Variants in EYS observed in about 807,000 individuals in gnomAD.
The protein encoded by EYS is protein eyes shut homolog.
In EYS, 250 loss-of-function variants were observed where a neutral mutation model predicts 282.1. The ratio of observed to expected loss-of-function variants is 0.89; its 90% CI spans 0.80 to 0.98. EYS has a LOEUF of 0.98. Among genes scored for constraint, EYS ranks in the 50% least tolerant of loss-of-function variants. The probability of loss-of-function intolerance (pLI) is 0.00; values close to 1 mark genes in which losing one functional copy is unlikely to be tolerated. For synonymous variants in EYS, 1,355 were observed against 1,282.9 expected, an observed-to-expected ratio of 1.06 and a Z score of -1.20; for missense variants, 4,016 against 3,709.0, an observed-to-expected ratio of 1.08 and a Z score of -2.15.
intron 35 of EYS, among the ~76,000 whole-genome samples, chr6:63,974,561 G>C (rs913278011): frequency 7.9e-5 from 12 of 151,986 alleles, no homozygotes; most frequent in African/African-American, 2.9e-4. Flanking sequence ...CCTAAGGGTA[G>C]AGAAAATTGA....
chr6:64,958,329 C>T (rs540438366), intron 14 of EYS, among the ~76,000 whole-genome samples: 188 of 152,146 alleles, frequency 1.2e-3, no homozygotes, highest in African/African-American at 3.3e-3. Flanking sequence ...TTGCAGTGAG[C>T]GAAAATCGCG....
At chr6:65,157,540 G>C (rs1764756421) in intron 12 of EYS, among the ~76,000 whole-genome samples, 1 of 150,600 alleles carries the variant, frequency 6.6e-6, no homozygotes, top group African/African-American at 2.4e-5. Context: ...AAGTTTTACT[G>C]TTCTTGAGAT....
chr6:65,374,377 AC>A (rs1489805608), intron 8 of EYS, among the ~76,000 whole-genome samples: 1 of 151,946 alleles, frequency 6.6e-6, no homozygotes, highest in Admixed American at 6.6e-5. Flanking sequence ...CAGATACTAC[AC>A]TTTTCCCATG....
intron 28 of EYS, among the ~76,000 whole-genome samples, chr6:64,425,964 A>G (rs1270273951): frequency 6.6e-6 from 1 of 152,168 alleles, no homozygotes; most frequent in Non-Finnish European, 1.5e-5. Context: ...TTTAAGATAC[A>G]GATGAGGCAT....
intron 35 of EYS, among the ~76,000 whole-genome samples, chr6:63,878,869 G>C (rs906244216): frequency 6.6e-6 from 1 of 152,120 alleles, no homozygotes; most frequent in African/African-American, 2.4e-5. Context: ...TCCAGGTACT[G>C]TCTGTCATGG....
chr6:65,602,763 T>A (rs1213473567), intron 2 of EYS, among the ~76,000 whole-genome samples: 2 of 152,018 alleles, frequency 1.3e-5, no homozygotes, highest in African/African-American at 4.8e-5. Context: ...GAAAGAGTGA[T>A]GTGATACAGA....
intron 5 of EYS, among the ~76,000 whole-genome samples, chr6:65,480,747 T>C (rs1273631011): frequency 6.6e-6 from 1 of 152,110 alleles, no homozygotes; most frequent in Non-Finnish European, 1.5e-5. Flanking sequence ...GAAAATGTGG[T>C]CTATATACAC....
intron 36 of EYS, among the ~76,000 whole-genome samples, chr6:63,834,942 T>C (rs1771762280): frequency 6.6e-6 from 1 of 151,102 alleles, no homozygotes; most frequent in Non-Finnish European, 1.5e-5. Flanking sequence ...CTGAACACAC[T>C]ATGGCAAGGA....
intron 22 of EYS, among the ~76,000 whole-genome samples, chr6:64,696,343 C>T (rs1770578755): frequency 6.6e-6 from 1 of 152,080 alleles, no homozygotes; most frequent in African/African-American, 2.4e-5. Flanking sequence ...AAAGAATAAA[C>T]AAAGCCTTTG....
chr6:64,546,243 A>C (rs1024183914), intron 26 of EYS, among the ~76,000 whole-genome samples: 90 of 152,308 alleles, frequency 5.9e-4, no homozygotes, highest in Admixed American at 3.7e-3. Flanking sequence ...CTGATCTTTG[A>C]CAAACCTGAC....
At chr6:63,857,352 C>T (rs1238218760) in intron 36 of EYS, 3 of 154,914 alleles carry the variant, frequency 1.9e-5, no homozygotes, top group African/African-American at 7.2e-5. Context: ...ACATTTTAAG[C>T]TCTAAGGGAG....
chr6:64,532,403 T>C (rs1764375270), intron 26 of EYS, among the ~76,000 whole-genome samples: 1 of 152,084 alleles, frequency 6.6e-6, no homozygotes, highest in Non-Finnish European at 1.5e-5. Context: ...CTAGGAAAAT[T>C]ACAGGAAACA....
At chr6:63,956,865 C>T (rs1765848281) in intron 35 of EYS, among the ~76,000 whole-genome samples, 1 of 152,010 alleles carries the variant, frequency 6.6e-6, no homozygotes. Flanking sequence ...TTTTTTTTGG[C>T]TTTTAGCCTT....
intron 15 of EYS, among the ~76,000 whole-genome samples, chr6:64,926,999 T>C (rs888297713): frequency 1.3e-5 from 2 of 152,230 alleles, no homozygotes; most frequent in East Asian, 1.9e-4. Context: ...AAGAATTTTA[T>C]AGCTGAATCT....
chr6:65,086,278 T>G (rs1026167835), intron 12 of EYS, among the ~76,000 whole-genome samples: 5 of 151,970 alleles, frequency 3.3e-5, no homozygotes, highest in African/African-American at 4.8e-5. Context: ...ATTGTGCCAT[T>G]GCACTCCAGC....
intron 30 of EYS, among the ~76,000 whole-genome samples, chr6:64,297,500 C>T (rs138933076): frequency 6.6e-6 from 1 of 152,178 alleles, no homozygotes; most frequent in Admixed American, 6.5e-5. Flanking sequence ...AAACTAAAGA[C>T]GAAGTGAAAA....
At chr6:64,368,699 T>G (rs1013520266) in intron 29 of EYS, among the ~76,000 whole-genome samples, 3 of 152,122 alleles carry the variant, frequency 2.0e-5, no homozygotes, top group African/African-American at 7.2e-5. Flanking sequence ...TGCCCACATG[T>G]GTGTCTTCTT....
intron 22 of EYS, among the ~76,000 whole-genome samples, chr6:64,636,999 T>G (rs966021722): frequency 8.5e-6 from 1 of 117,560 alleles, no homozygotes; most frequent in Non-Finnish European, 1.8e-5. Flanking sequence ...TTGGTGGGAC[T>G]GTAAACTAGT....
At chr6:65,648,192 A>G (rs2149816820) in intron 1 of EYS, among the ~76,000 whole-genome samples, 1 of 152,276 alleles carries the variant, frequency 6.6e-6, no homozygotes, top group African/African-American at 2.4e-5. Flanking sequence ...TACCCAGAGG[A>G]AAATAAGTCA....
Sources: allele counts gnomAD v4.1 joint callset (sites outside exome capture counted in the v4.1 genomes callset), GRCh38; gene constraint gnomAD v4.1.1; transcripts MANE v1.5; gene names NCBI Gene and HGNC (gene_info 2026-07-23, HGNC 2026-07-21).